The following USP6NL variants were observed in gnomAD, a reference collection of about 807,000 sequenced individuals.
USP6NL encodes the protein USP6 N-terminal-like protein.
A neutral mutation model predicts 61.9 loss-of-function variants in USP6NL; 26 were observed. The observed-to-expected ratio is 0.42, with a 90% CI of 0.31 to 0.58. USP6NL has a LOEUF of 0.58. USP6NL is among the 20% of genes least tolerant of loss of function. The pLI is 0.16. For synonymous variants in USP6NL, 432 were observed against 390.1 expected (o/e 1.11, Z -1.27); for missense variants, 1,114 against 1,034.3 (o/e 1.08, Z -1.06).
At position 11,562,457 on chromosome 10, in the gene USP6NL, G is replaced by GT; in HGVS notation, c.5-34891dup. On this transcript the variant is annotated intron_variant, in intron 2 of 14. Coordinates refer to ENST00000609104, the MANE Select transcript of USP6NL (RefSeq NM_014688.5). This position sits in a 1 kb window ranked among gnomAD's most constrained non-coding sequence, Gnocchi z 4.8. ...AGGATGAAGACGCAGCAGTCATCACGTATCTCTGAGGACAAGGATTAAGTG... is the reference window on the plus strand; with the variant it reads ...AGGATGAAGACGCAGCAGTCATCACGTTATCTCTGAGGACAAGGATTAAGTG... 1.0e-6 allele frequency: 1 copy of GT among 985,312 alleles called. No individual in the cohort carries two copies. Among genetic ancestry groups the GT allele is most frequent in the Non-Finnish European group, 1.2e-6 (1 of 829,902 alleles). 61.0% of individuals were successfully genotyped at this position (985,312 alleles called of 1,614,324 possible).
rs1289414349 is a variant in USP6NL, at chr10:11,462,325, C to T, written c.*116G>A. Reference sequence around the variant, plus strand: ...TCCCTGTATTCTTACTACTAACAGACAGGAGAGATGTGCGAGTTGTTTACA... The same window carrying T: ...TCCCTGTATTCTTACTACTAACAGATAGGAGAGATGTGCGAGTTGTTTACA... On this transcript the variant is annotated 3_prime_UTR_variant, in exon 15 of 15. Coordinates refer to ENST00000609104, the MANE Select transcript of USP6NL (RefSeq NM_014688.5). The T allele has an allele frequency of 8.3e-7, 1 of 1,204,784 alleles. No homozygotes were observed. The highest frequency in any genetic ancestry group is 1.1e-6 in the Non-Finnish European group (1 of 882,382). The allele number at this position is 1,204,784 out of a possible 1,614,324, so 74.6% of individuals were successfully genotyped here.
rs1157850358 is a variant in USP6NL at position 11,485,615 on chromosome 10, C to G, written c.759+202G>C. ...ATTAGCTTCAAAGAAGTTCAAATCC[C>G]TCAGTAAGAACTGTGATAGCCTGTC... On this transcript the variant is annotated intron_variant, in intron 11 of 14. Coordinates refer to ENST00000609104, the MANE Select transcript of USP6NL (RefSeq NM_014688.5). This position sits in a 1 kb window ranked among gnomAD's most constrained non-coding sequence, Gnocchi z 4.8. 1.3e-5 allele frequency among the ~76,000 whole-genome samples: 2 copies of G among 152,132 alleles called. No individual in the cohort carries two copies. Among genetic ancestry groups the G allele is most frequent in the Non-Finnish European group, 2.9e-5 (2 of 68,008 alleles).
Position 11,468,357 on chromosome 10 carries a change from C to G in USP6NL, c.1079-4508G>C, listed in dbSNP as rs1301721291. Among the ~76,000 whole-genome samples the G allele has an allele frequency of 6.6e-6, 1 of 152,160 alleles. No individual in the cohort carries two copies. The highest frequency in any genetic ancestry group is 1.5e-5 in the Non-Finnish European group (1 of 68,040). Reference sequence around the variant, plus strand: ...CAGGGTCTCTTAGTCACAGCTTGGCCGCACTTGGCTTCAAGTTCCTCCTAT... The same window carrying G: ...CAGGGTCTCTTAGTCACAGCTTGGCGGCACTTGGCTTCAAGTTCCTCCTAT... On this transcript the variant is annotated intron_variant, in intron 14 of 14. Transcript: ENST00000609104. This position sits in a 1 kb window ranked among gnomAD's most constrained non-coding sequence, Gnocchi z 4.5.
At chr10:11,526,516 T>C (rs1197975361) in intron 3 of USP6NL, among the ~76,000 whole-genome samples, 1 of 152,166 alleles carries the variant, frequency 6.6e-6, no homozygotes, top group African/African-American at 2.4e-5. Context: ...TTAACTGAGT[T>C]TTTCATGGAC....
rs769098450 is a variant in USP6NL, at chr10:11,532,131, G to T, written c.5-4564C>A. 3.7e-6 allele frequency: 5 copies of T among 1,357,556 alleles called. No homozygotes were observed. The East Asian group carries it at 1.2e-4, about 33-fold the overall frequency. 84.1% of individuals were successfully genotyped at this position (1,357,556 alleles called of 1,614,324 possible). A position where few individuals can be genotyped will look rare whatever the true frequency, so the allele number is the denominator to read the frequency against. On this transcript the variant is annotated intron_variant, in intron 2 of 14. Coordinates refer to ENST00000609104, the MANE Select transcript of USP6NL (RefSeq NM_014688.5). The surrounding 1 kb of genome is among the most constrained non-coding windows in gnomAD (Gnocchi z 4.1). ...ATTTTTCCTAGAGTACATTTTGACAGATGAACGTTAAAAATATAAACAACA... is the reference window on the plus strand; with the variant it reads ...ATTTTTCCTAGAGTACATTTTGACATATGAACGTTAAAAATATAAACAACA...
At chr10:11,551,353 T>A (rs1258465394) in intron 2 of USP6NL, among the ~76,000 whole-genome samples, 1 of 152,214 alleles carries the variant, frequency 6.6e-6, no homozygotes, top group East Asian at 1.9e-4. Flanking sequence ...GACCTCATAC[T>A]GTAGAACTTC....
At chr10:11,507,904 C>A (rs1834527842) in intron 6 of USP6NL, among the ~76,000 whole-genome samples, 1 of 152,168 alleles carries the variant, frequency 6.6e-6, no homozygotes, top group Admixed American at 6.5e-5. Context: ...TAGGAAGTGG[C>A]AGAGCTGGGG....
chr10:11,462,739 A>C lies in USP6NL; in HGVS notation c.2189T>G (p.Leu730Trp). 2.5e-6 allele frequency: 4 copies of C among 1,614,038 alleles called. No homozygotes were observed. Among genetic ancestry groups the C allele is most frequent in the Non-Finnish European group, 3.4e-6 (4 of 1,179,904 alleles). The change falls in exon 15 of 15, where the codon TTG becomes TGG. Residue 730 changes from leucine (L) to tryptophan (W), a missense_variant. By Grantham distance (61) the Leu-to-Trp change is moderately conservative (BLOSUM62 -2). Transcript: ENST00000609104. ...GKLIIPPVDY[L>W]PDNRTWSEVS... ...TTCTGACCATGTTCTGTTATCTGGCAAGTAATCCACTGGTGGAATGATCAA... is the reference window on the plus strand; with the variant it reads ...TTCTGACCATGTTCTGTTATCTGGCCAGTAATCCACTGGTGGAATGATCAA...
intron 3 of USP6NL, among the ~76,000 whole-genome samples, chr10:11,526,563 T>C (rs922380505): frequency 3.9e-5 from 6 of 152,202 alleles, no homozygotes; most frequent in African/African-American, 1.4e-4. Context: ...GAAACTGTGT[T>C]TGATGTTCCA....
At position 11,572,445 on chromosome 10, in the gene USP6NL, G is replaced by A. The variant is rs376257182; in HGVS notation, c.4+25186C>T. On this transcript the variant is annotated intron_variant, in intron 2 of 14. Coordinates refer to ENST00000609104, the MANE Select transcript of USP6NL (RefSeq NM_014688.5). ...ACAGTCTCTCTGCTTTTTGAGATGC[G>A]TATCTGTTCAATCACTTAAATACCA... Among the ~76,000 whole-genome samples the A allele has an allele frequency of 1.3e-4, 19 of 151,312 alleles. No homozygotes were observed. In the South Asian group the frequency reaches 3.7e-3, roughly 30 times the overall value.
rs1299057638 is a variant in USP6NL at position 11,474,485 on chromosome 10, T to C, written c.1078+7285A>G. Among the ~76,000 whole-genome samples the C allele has an allele frequency of 1.8e-4, 28 of 152,178 alleles. No individual in the cohort carries two copies. The highest frequency in any genetic ancestry group is 1.8e-3 in the Admixed American group (28 of 15,284). On this transcript the variant is annotated intron_variant, in intron 14 of 14. Coordinates refer to ENST00000609104, the MANE Select transcript of USP6NL (RefSeq NM_014688.5). The surrounding 1 kb of genome is among the most constrained non-coding windows in gnomAD (Gnocchi z 4.9). The stretch of plus-strand genomic sequence containing the variant: ...CATTTATAAAGGCAATTAAAAACGT[T>C]TGTAGGAATTTATGTTTATAAGTGG...
In USP6NL at chr10:11,553,778, C is replaced by T. The variant is rs1836580186; in HGVS notation, c.5-26211G>A. Among the ~76,000 whole-genome samples, 1 of 151,810 alleles carries T rather than the reference C, an allele frequency of 6.6e-6. No individual in the cohort carries two copies. Among genetic ancestry groups the T allele is most frequent in the Admixed American group, 6.6e-5 (1 of 15,244 alleles). On this transcript the variant is annotated intron_variant, in intron 2 of 14. Coordinates refer to ENST00000609104, the MANE Select transcript of USP6NL (RefSeq NM_014688.5). The surrounding 1 kb of genome is among the most constrained non-coding windows in gnomAD (Gnocchi z 4.8). ...AGGCATGGTGGTGGGCGCCTGTAAT[C>T]CCAACTACTCGCGAGGCTCAGGCAA...
At chr10:11,557,575 G>A (rs139888648) in intron 2 of USP6NL, among the ~76,000 whole-genome samples, 1 of 152,194 alleles carries the variant, frequency 6.6e-6, no homozygotes, top group Non-Finnish European at 1.5e-5. Context: ...GAAACCTGAC[G>A]ACAGTGGATT....
rs1838181939 is a variant in USP6NL, at chr10:11,592,337, C to G, written c.4+5294G>C. Reference sequence around the variant, plus strand: ...CAATTTCTGCTGGCATTCTTCACCACTGACTACAGCTAAAGGCTGCCACAG... The same window carrying G: ...CAATTTCTGCTGGCATTCTTCACCAGTGACTACAGCTAAAGGCTGCCACAG... On this transcript the variant is annotated intron_variant, in intron 2 of 14. Coordinates refer to ENST00000609104, the MANE Select transcript of USP6NL (RefSeq NM_014688.5). The surrounding 1 kb of genome is among the most constrained non-coding windows in gnomAD (Gnocchi z 4.7). Among the ~76,000 whole-genome samples the G allele has an allele frequency of 6.6e-6, 1 of 152,204 alleles. No individual in the cohort carries two copies. Among genetic ancestry groups the G allele is most frequent in the Admixed American group, 6.5e-5 (1 of 15,280 alleles).
chr10:11,504,062 T>G (rs1188853357), intron 6 of USP6NL, among the ~76,000 whole-genome samples: 1 of 152,068 alleles, frequency 6.6e-6, no homozygotes, highest in East Asian at 1.9e-4. Flanking sequence ...AACGATGTCT[T>G]TGGAATCCAA....
intron 2 of USP6NL, among the ~76,000 whole-genome samples, chr10:11,558,557 T>C (rs1566180128): frequency 6.6e-6 from 1 of 152,188 alleles, no homozygotes; most frequent in Non-Finnish European, 1.5e-5. Flanking sequence ...TCATTTGTGG[T>C]TGCAGAATTC....
intron 2 of USP6NL, among the ~76,000 whole-genome samples, chr10:11,568,592 C>G (rs1397468975): frequency 6.6e-6 from 1 of 152,166 alleles, no homozygotes; most frequent in East Asian, 1.9e-4. Flanking sequence ...TAGTCTTATT[C>G]TTTATCACAT....
rs528865871 is a variant in USP6NL, at chr10:11,495,976, T to C, written c.385-2748A>G. Reference sequence around the variant, plus strand: ...AGTCAGTACCTTTGGGTTTATTTTCTTATGCTGATCACATCCCCCACAGAA... The same window carrying C: ...AGTCAGTACCTTTGGGTTTATTTTCCTATGCTGATCACATCCCCCACAGAA... On this transcript the variant is annotated intron_variant, in intron 7 of 14. Transcript: ENST00000609104. This position sits in a 1 kb window ranked among gnomAD's most constrained non-coding sequence, Gnocchi z 4.6. 1.4e-3 allele frequency among the ~76,000 whole-genome samples: 211 copies of C among 152,286 alleles called. 1 individual carries two copies. The highest frequency in any genetic ancestry group is 4.5e-3 in the African/African-American group (188 of 41,568).
At chr10:11,522,292 A>C (rs564723097) in intron 4 of USP6NL, among the ~76,000 whole-genome samples, 1 of 152,368 alleles carries the variant, frequency 6.6e-6, no homozygotes, top group East Asian at 1.9e-4. Context: ...TTGACACTTA[A>C]AACCCAATTT....
Sources: allele counts gnomAD v4.1 joint callset (sites outside exome capture counted in the v4.1 genomes callset), GRCh38; gene constraint gnomAD v4.1.1; non-coding constraint Gnocchi (gnomAD v3.1); transcripts MANE v1.5; gene names NCBI Gene and HGNC (gene_info 2026-07-23, HGNC 2026-07-21).